The following SLIT3 variants were observed in gnomAD, a reference collection of about 807,000 sequenced individuals.
SLIT3 encodes slit homolog 3 protein.
A neutral mutation model predicts 184.0 loss-of-function variants in SLIT3; 68 were observed. The observed-to-expected ratio is 0.37, with a 90% CI of 0.30 to 0.45. The LOEUF (loss-of-function observed/expected upper bound fraction) is 0.45. Among genes scored for constraint, SLIT3 ranks in the 20% least tolerant of loss-of-function variants. SLIT3 has a pLI of 1.00. For missense variants in SLIT3, 1,707 were observed against 2,026.0 expected, an observed-to-expected ratio of 0.84 and a Z score of 3.02; for synonymous variants, 831 against 828.6, an observed-to-expected ratio of 1.00 and a Z score of -0.05.
chr5:168,873,614 C>A (rs896890604), intron 5 of SLIT3, among the ~76,000 whole-genome samples: 12 of 152,014 alleles, frequency 7.9e-5, no homozygotes, highest in African/African-American at 2.4e-4. Flanking sequence ...TGGTTGACAG[C>A]GAGACTTACT....
rs1761174898 is a variant in SLIT3, at chr5:168,669,699, GC to G, written c.4336+83del. 2.7e-6 allele frequency: 3 copies of G among 1,127,854 alleles called. No homozygotes were observed. In the South Asian group the frequency reaches 4.0e-5, roughly 15 times the overall value. The allele number at this position is 1,127,854 out of a possible 1,614,324, so 69.9% of individuals were successfully genotyped here. ...GGTCATGCAGCCTTTAAGTGGCACA[GC>G]CAGAACTGGAACTGAGGTGATCTGG... is the stretch of plus-strand genomic sequence containing the variant. On this transcript the variant is annotated intron_variant, in intron 35 of 35. Transcript: ENST00000519560.
chr5:169,098,273 T>C lies in SLIT3; in HGVS notation c.413+95206A>G, dbSNP rs529145404. 2.6e-5 allele frequency among the ~76,000 whole-genome samples: 4 copies of C among 152,254 alleles called. No homozygotes were observed. The South Asian group carries it at 8.3e-4, about 32-fold the overall frequency. On this transcript the variant is annotated intron_variant, in intron 4 of 35. Transcript: ENST00000519560. ...TCTATAAAAAGAACGTCATCCCTTT[T>C]AACGAGGACACCCCACACCCAAATC...
intron 4 of SLIT3, among the ~76,000 whole-genome samples, chr5:169,074,081 G>A (rs901441681): frequency 2.0e-5 from 3 of 152,178 alleles, no homozygotes; most frequent in African/African-American, 7.2e-5. Flanking sequence ...GCAGCTGGTT[G>A]AACAAGATTA....
chr5:169,124,835 G>A (rs2113297825), intron 4 of SLIT3, among the ~76,000 whole-genome samples: 2 of 151,888 alleles, frequency 1.3e-5, no homozygotes, highest in Middle Eastern at 6.8e-3. Flanking sequence ...CTACTTCATG[G>A]CCTTTGTTTT....
At chr5:169,263,031 C>T (rs1271936916) in intron 1 of SLIT3, among the ~76,000 whole-genome samples, 1 of 152,190 alleles carries the variant, frequency 6.6e-6, no homozygotes, top group Non-Finnish European at 1.5e-5. Flanking sequence ...TCCAATAGGA[C>T]TGGTGTCCTT....
intron 4 of SLIT3, among the ~76,000 whole-genome samples, chr5:169,155,020 C>G (rs906667277): frequency 6.6e-6 from 1 of 152,164 alleles, no homozygotes; most frequent in Non-Finnish European, 1.5e-5. Flanking sequence ...CTCTAAGAAT[C>G]AGATAGGATG....
intron 3 of SLIT3, among the ~76,000 whole-genome samples, chr5:169,243,469 A>G (rs1765473723): frequency 6.6e-6 from 1 of 152,244 alleles, no homozygotes; most frequent in South Asian, 2.1e-4. Flanking sequence ...AATAAATGTC[A>G]TATTTTCAAA....
Position 168,711,909 on chromosome 5 carries a change from A to G in SLIT3, c.2555+374T>C, listed in dbSNP as rs546840240. Among the ~76,000 whole-genome samples, 15 of 152,340 alleles carry G rather than the reference A, an allele frequency of 9.8e-5. No homozygotes were observed. In the South Asian group the frequency reaches 3.1e-3, roughly 32 times the overall value. On this transcript the variant is annotated intron_variant, in intron 24 of 35. Transcript: ENST00000519560. ...TGCTTTGGAGTCAAGGCAAACCTAG[A>G]TCTGATCCTGGGCCCTGCCATCTGC...
intron 5 of SLIT3, among the ~76,000 whole-genome samples, chr5:168,856,295 A>G (rs1216440543): frequency 1.3e-5 from 2 of 152,110 alleles, no homozygotes; most frequent in East Asian, 3.9e-4. Context: ...AGACCACCCC[A>G]TTTTGAGGGT....
intron 4 of SLIT3, among the ~76,000 whole-genome samples, chr5:169,139,286 A>G (rs1757935617): frequency 6.6e-6 from 1 of 152,260 alleles, no homozygotes; most frequent in African/African-American, 2.4e-5. Context: ...GGGTAGGCCA[A>G]AGGATCCAAG....
intron 3 of SLIT3, among the ~76,000 whole-genome samples, chr5:169,225,429 G>A (rs1013373594): frequency 7.2e-5 from 11 of 152,216 alleles, no homozygotes; most frequent in African/African-American, 2.4e-5. Context: ...AAAGCAGGAC[G>A]CTGCTCACTC....
intron 4 of SLIT3, among the ~76,000 whole-genome samples, chr5:168,988,733 G>A (rs562228779): frequency 6.6e-6 from 1 of 152,248 alleles, no homozygotes; most frequent in East Asian, 1.9e-4. Context: ...AAATCTTCAC[G>A]GATCTCACTT....
intron 1 of SLIT3, among the ~76,000 whole-genome samples, chr5:169,259,129 G>A (rs114556420): frequency 0.019 from 2,909 of 152,298 alleles, 103 homozygotes; most frequent in African/African-American, 0.065. Context: ...CTGAAGGGCA[G>A]TGGCTCAATC....
rs527911232 is a variant in SLIT3, at chr5:168,804,740, G to A, written c.935+1706C>T. 5.9e-5 allele frequency among the ~76,000 whole-genome samples: 9 copies of A among 152,336 alleles called. No homozygotes were observed. In the East Asian group the frequency reaches 1.7e-3, roughly 29 times the overall value. Reference sequence around the variant, plus strand: ...AAGGAATTAAAGAAAAGCTGGCAAAGTAGGTGAAGAAAGAAGAAGCGAAGT... The same window carrying A: ...AAGGAATTAAAGAAAAGCTGGCAAAATAGGTGAAGAAAGAAGAAGCGAAGT... On this transcript the variant is annotated intron_variant, in intron 9 of 35. Transcript: ENST00000519560.
In SLIT3 at chr5:169,300,456, G is replaced by T; in HGVS notation, c.197+57C>A. 3 of 1,393,182 alleles carry T rather than the reference G, an allele frequency of 2.2e-6. No individual in the cohort carries two copies. The highest frequency in any genetic ancestry group is 3.1e-5 in the East Asian group (1 of 32,718). 86.3% of individuals were successfully genotyped at this position (1,393,182 alleles called of 1,614,324 possible). A position where few individuals can be genotyped will look rare whatever the true frequency, so the allele number is the denominator to read the frequency against. On this transcript the variant is annotated intron_variant, in intron 1 of 35. Coordinates refer to ENST00000519560, the MANE Select transcript of SLIT3 (RefSeq NM_003062.4). The surrounding 1 kb of genome is among the most constrained non-coding windows in gnomAD (Gnocchi z 4.1). ...GGAAAGGACGGATCTGGCGCCTGGG[G>T]CCCCCTCGGTGGGACCCAGGTGGGT...
At chr5:168,789,738 T>G in intron 10 of SLIT3, 107 bp from the exon 11 acceptor site, 1 of 809,854 alleles carries the variant, frequency 1.2e-6, no homozygotes, top group Non-Finnish European at 2.1e-6. Flanking sequence ...TAAGGATTAA[T>G]CAATCAATCA....
In SLIT3 at chr5:169,216,237, C is replaced by G. The variant is rs369851438; in HGVS notation, c.342-22687G>C. On this transcript the variant is annotated intron_variant, in intron 3 of 35. Coordinates refer to ENST00000519560, the MANE Select transcript of SLIT3 (RefSeq NM_003062.4). Reference sequence around the variant, plus strand: ...GGGGTCAGGTGGCTAGTGCAGATCACCTGCTCACCTAACTCTCTAATTCCC... The same window carrying G: ...GGGGTCAGGTGGCTAGTGCAGATCAGCTGCTCACCTAACTCTCTAATTCCC... Among the ~76,000 whole-genome samples, 14 of 152,296 alleles carry G rather than the reference C, an allele frequency of 9.2e-5. No homozygotes were observed. The South Asian group carries it at 2.7e-3, about 29-fold the overall frequency.
chr5:168,768,141 C>T (rs752545609), intron 14 of SLIT3: 3 of 508,688 alleles, frequency 5.9e-6, no homozygotes, highest in Non-Finnish European at 1.2e-5. Context: ...GGTGGCGGGC[C>T]ATGCTGCAGG....
intron 4 of SLIT3, among the ~76,000 whole-genome samples, chr5:168,905,707 G>C (rs531878164): frequency 1.3e-5 from 2 of 152,180 alleles, no homozygotes; most frequent in African/African-American, 4.8e-5. Flanking sequence ...AATTCCACAT[G>C]TCTGTCTGCC....
Sources: gnomAD v4.1 joint callset for allele counts (sites outside exome capture counted in the v4.1 genomes callset) on GRCh38, gnomAD v4.1.1 for gene constraint, Gnocchi (gnomAD v3.1) non-coding constraint, MANE v1.5 for transcripts, NCBI Gene and HGNC (gene_info 2026-07-23, HGNC 2026-07-21) for gene names.